Variants in SNTB2 observed in about 807,000 individuals in gnomAD.
SNTB2 encodes the protein syntrophin beta 2.
In SNTB2, 34 loss-of-function variants were observed where a neutral mutation model predicts 46.2. That is an observed-to-expected ratio of 0.74 (90% CI 0.56 to 0.98). SNTB2 has a LOEUF of 0.98. Ranked by LOEUF, SNTB2 falls within the 50% of genes least tolerant of loss-of-function variation. The pLI is 0.00. For synonymous variants in SNTB2, 290 were observed against 312.6 expected (o/e 0.93, Z 0.76); for missense variants, 603 against 731.4 (o/e 0.82, Z 2.02).
chr16:69,282,209 C>A (rs557641183), intron 4 of SNTB2, among the ~76,000 whole-genome samples: 1 of 149,970 alleles, frequency 6.7e-6, no homozygotes, highest in African/African-American at 2.4e-5. Context: ...GCCTGTAATT[C>A]CAGCACTCAG....
chr16:69,284,041 G>A lies in SNTB2; in HGVS notation c.1149-7G>A, dbSNP rs1597199959. On this transcript the variant is annotated splice_polypyrimidine_tract_variant and splice_region_variant and intron_variant, in intron 4 of 6. Coordinates refer to ENST00000336278, the MANE Select transcript of SNTB2 (RefSeq NM_006750.4). ...ACTTTTGATCTCTGCTCTGTTTGTG[G>A]TCCTAGGTTGGTTCATTCTGGCTCC... The A allele has an allele frequency of 6.2e-7, 1 of 1,607,044 alleles. No homozygotes were observed. Among genetic ancestry groups the A allele is most frequent in the South Asian group, 1.1e-5 (1 of 90,276 alleles).
chr16:69,205,749 CAAAG>C (rs1964210159), intron 1 of SNTB2, among the ~76,000 whole-genome samples: 1 of 151,972 alleles, frequency 6.6e-6, no homozygotes, highest in African/African-American at 2.4e-5. Flanking sequence ...TGATCCCAGA[CAAAG>C]AAGTCTAAGG....
intron 1 of SNTB2, among the ~76,000 whole-genome samples, chr16:69,222,222 AT>A (rs970633065): frequency 4.6e-5 from 7 of 152,208 alleles, no homozygotes; most frequent in African/African-American, 1.7e-4. Context: ...AACATAAAAA[AT>A]ATCAACTGTA....
intron 1 of SNTB2, among the ~76,000 whole-genome samples, chr16:69,199,059 G>A (rs943682498): frequency 2.6e-5 from 4 of 151,990 alleles, no homozygotes; most frequent in Non-Finnish European, 4.4e-5. Context: ...ACCATGTCCA[G>A]CTAATTTTGT....
chr16:69,223,376 G>A (rs1350451060), intron 1 of SNTB2, among the ~76,000 whole-genome samples: 1 of 151,462 alleles, frequency 6.6e-6, no homozygotes, highest in Non-Finnish European at 1.5e-5. Context: ...TGTATTTTTA[G>A]TGGAGTCAAG....
chr16:69,212,022 T>C (rs552988205), intron 1 of SNTB2, among the ~76,000 whole-genome samples: 4 of 152,316 alleles, frequency 2.6e-5, no homozygotes, highest in East Asian at 1.9e-4. Flanking sequence ...CTACCTTTCA[T>C]GATATCTTAC....
In SNTB2 at chr16:69,299,645, C is replaced by T. The variant is rs772314867; in HGVS notation, c.1401C>T (p.Phe467=). The T allele has an allele frequency of 2.5e-6, 4 of 1,614,032 alleles. No homozygotes were observed. The highest frequency in any genetic ancestry group is 3.4e-6 in the Non-Finnish European group (4 of 1,180,030). The part of the protein sequence containing the change: ...VRLTIHYENG[F]TISRENGGSS... Reference sequence around the variant, plus strand: ...TTACTATTCACTATGAAAATGGGTTCACCATCTCAAGGGAAAATGGAGGCT... The same window carrying T: ...TTACTATTCACTATGAAAATGGGTTTACCATCTCAAGGGAAAATGGAGGCT... Residue 467 remains phenylalanine, a synonymous_variant, in exon 6 of 7, where the codon TTC becomes TTT. Transcript: ENST00000336278.
chr16:69,224,474 G>C (rs1964439632), intron 1 of SNTB2, among the ~76,000 whole-genome samples: 1 of 152,144 alleles, frequency 6.6e-6, no homozygotes, highest in Admixed American at 6.5e-5. Flanking sequence ...GCCTCCCAAA[G>C]TACTGGGATT....
intron 1 of SNTB2, among the ~76,000 whole-genome samples, chr16:69,242,838 G>T (rs911940510): frequency 6.6e-6 from 1 of 152,154 alleles, no homozygotes; most frequent in Non-Finnish European, 1.5e-5. Context: ...TGGCTAGCAC[G>T]GTGAAACCCC....
At position 69,280,840 on chromosome 16, in the gene SNTB2, C is replaced by T. The variant is rs1019002233; in HGVS notation, c.1149-3208C>T. Among the ~76,000 whole-genome samples the T allele has an allele frequency of 9.6e-4, 146 of 151,308 alleles. 1 individual carries two copies. The highest frequency in any genetic ancestry group is 3.4e-3 in the African/African-American group (140 of 41,320). On this transcript the variant is annotated intron_variant, in intron 4 of 6. Coordinates refer to ENST00000336278, the MANE Select transcript of SNTB2 (RefSeq NM_006750.4). ...TGAGACGGAGTCTCGCTCTGTTGCC[C>T]AGGCTGCAGTGCAGTGGCGCAGTCT...
rs150558174 is a variant in SNTB2, at chr16:69,264,958, T to G, written c.1005+4698T>G. On this transcript the variant is annotated intron_variant, in intron 3 of 6. Coordinates refer to ENST00000336278, the MANE Select transcript of SNTB2 (RefSeq NM_006750.4). ...GAACTTAAGTGATTACGATTAAAAT[T>G]ACATCTATTGGCCGGGCACGGTGGC... is the stretch of plus-strand genomic sequence containing the variant. Among the ~76,000 whole-genome samples, 1,119 of 152,234 alleles carry G rather than the reference T, an allele frequency of 7.4e-3. 10 individuals are homozygous for G. Among genetic ancestry groups the G allele is most frequent in the Non-Finnish European group, 0.011 (719 of 67,990 alleles).
intron 5 of SNTB2, among the ~76,000 whole-genome samples, chr16:69,296,537 A>G (rs1039624031): frequency 2.0e-5 from 3 of 151,600 alleles, no homozygotes; most frequent in African/African-American, 7.3e-5. Context: ...CCTGGCCAAC[A>G]TGGTGAAACC....
At chr16:69,222,065 T>G (rs1430590556) in intron 1 of SNTB2, among the ~76,000 whole-genome samples, 3 of 152,212 alleles carry the variant, frequency 2.0e-5, no homozygotes, top group Non-Finnish European at 2.9e-5. Context: ...TTTTAAAACT[T>G]CCAAAAGATC....
At chr16:69,192,938 T>C (rs1964068750) in intron 1 of SNTB2, among the ~76,000 whole-genome samples, 1 of 152,182 alleles carries the variant, frequency 6.6e-6, no homozygotes, top group African/African-American at 2.4e-5. Context: ...GCAATTTTCT[T>C]TTTGCTTTGG....
chr16:69,193,679 A>C (rs1024025045), intron 1 of SNTB2, among the ~76,000 whole-genome samples: 1 of 152,188 alleles, frequency 6.6e-6, no homozygotes, highest in African/African-American at 2.4e-5. Flanking sequence ...AATTTTAAAA[A>C]AGAAAGAAAA....
intron 1 of SNTB2, among the ~76,000 whole-genome samples, chr16:69,224,434 A>G (rs1349725512): frequency 5.3e-5 from 8 of 152,142 alleles, no homozygotes; most frequent in East Asian, 3.9e-4. Flanking sequence ...GCTGGTCTCG[A>G]ACTCCTGACC....
chr16:69,291,725 A>T (rs1185452857), intron 5 of SNTB2, among the ~76,000 whole-genome samples: 6 of 152,016 alleles, frequency 3.9e-5, no homozygotes, highest in African/African-American at 1.4e-4. Context: ...AAATAAAAAT[A>T]AAAAATAAAT....
rs556104134 is a variant in SNTB2 at position 69,307,443 on chromosome 16, A to G, written c.*6519A>G. 1 of 152,244 alleles carries G rather than the reference A, an allele frequency of 6.6e-6. No homozygotes were observed. The highest frequency in any genetic ancestry group is 1.5e-5 in the Non-Finnish European group (1 of 68,048). 9.4% of individuals were successfully genotyped at this position (152,244 alleles called of 1,614,324 possible). A position where few individuals can be genotyped will look rare whatever the true frequency, so the allele number is the denominator to read the frequency against. On this transcript the variant is annotated 3_prime_UTR_variant, in exon 7 of 7. Coordinates refer to ENST00000336278, the MANE Select transcript of SNTB2 (RefSeq NM_006750.4). ...GAGAACAGTATACAGTATCCTTTGTAAGATAAATCACAACAACAAAAATTA... is the reference window on the plus strand; with the variant it reads ...GAGAACAGTATACAGTATCCTTTGTGAGATAAATCACAACAACAAAAATTA...
In SNTB2 at chr16:69,198,896, G is replaced by T. The variant is rs867881250; in HGVS notation, c.580+11150G>T. 6.7e-3 allele frequency among the ~76,000 whole-genome samples: 857 copies of T among 127,658 alleles called. 13 individuals carry two copies. Among genetic ancestry groups the T allele is most frequent in the Admixed American group, 0.032 (395 of 12,462 alleles). 83.7% of individuals were successfully genotyped at this position (127,658 alleles called of 152,430 possible). ...TGTCAGAGATTTAGAATATAATAAT[G>T]TTTTTTTTTTTTTTTTTTTGAGACA... On this transcript the variant is annotated intron_variant, in intron 1 of 6. Transcript: ENST00000336278.
Sources: allele counts gnomAD v4.1 joint callset (sites outside exome capture counted in the v4.1 genomes callset), GRCh38; gene constraint gnomAD v4.1.1; transcripts MANE v1.5; gene names NCBI Gene and HGNC (gene_info 2026-07-23, HGNC 2026-07-21).